Variants in ESR1 observed in about 807,000 individuals in gnomAD.
ESR1 encodes estrogen receptor.
Under a neutral mutation model 52.7 loss-of-function variants are expected in ESR1, and 12 were observed. The ratio of observed to expected loss-of-function variants is 0.23; its 90% confidence interval spans 0.15 to 0.37. The LOEUF is 0.37. Among genes scored for constraint, ESR1 ranks in the 10% least tolerant of loss-of-function variants. The probability of loss-of-function intolerance (pLI) is 1.00; values close to 1 mark genes in which losing one functional copy is unlikely to be tolerated. For missense variants in ESR1, 584 were observed against 779.7 expected (o/e 0.75, Z 2.99); for synonymous variants, 305 against 316.8 (o/e 0.96, Z 0.39).
intron 1 of ESR1, among the ~76,000 whole-genome samples, chr6:151,682,122 T>C (rs1778483479): frequency 6.6e-6 from 1 of 152,244 alleles, no homozygotes; most frequent in Non-Finnish European, 1.5e-5. Context: ...ACAGGTTTTT[T>C]GATTTTCACA....
intron 2 of ESR1, among the ~76,000 whole-genome samples, chr6:151,733,723 A>G (rs1305067869): frequency 1.3e-5 from 2 of 152,138 alleles, no homozygotes; most frequent in Non-Finnish European, 2.9e-5. Flanking sequence ...AATTAAGAAA[A>G]AAAGAAACAA....
intron 2 of ESR1, among the ~76,000 whole-genome samples, chr6:151,844,441 T>C (rs1188407735): frequency 6.6e-6 from 1 of 152,210 alleles, no homozygotes; most frequent in Non-Finnish European, 1.5e-5. Flanking sequence ...GAGCTGAGAC[T>C]GTTTCCTCAT....
At chr6:151,814,196 C>T (rs554811597) in intron 1 of ESR1, 10 of 152,160 alleles carry the variant, frequency 6.6e-5, no homozygotes, top group East Asian at 3.9e-4. Flanking sequence ...CTTTTATGGC[C>T]CTGAAAGCAA....
chr6:152,008,495 C>T (rs1584783563), intron 4 of ESR1, among the ~76,000 whole-genome samples: 1 of 152,068 alleles, frequency 6.6e-6, no homozygotes, highest in African/African-American at 2.4e-5. Flanking sequence ...CTTTGGCTTC[C>T]AAAAGGCCAC....
intron 2 of ESR1, among the ~76,000 whole-genome samples, chr6:151,740,118 C>A (rs182181932): frequency 4.0e-5 from 6 of 151,608 alleles, no homozygotes; most frequent in Admixed American, 2.0e-4. Context: ...TTTTTTCTTT[C>A]TTTTCTTTTT....
chr6:151,754,271 G>A (rs1441513537), intron 2 of ESR1, among the ~76,000 whole-genome samples: 4 of 150,672 alleles, frequency 2.7e-5, no homozygotes, highest in South Asian at 4.2e-4. Flanking sequence ...GCTAAGAAGT[G>A]TCTATTATTA....
chr6:152,055,745 C>G (rs1034310534), intron 5 of ESR1, among the ~76,000 whole-genome samples: 3 of 152,200 alleles, frequency 2.0e-5, no homozygotes, highest in Non-Finnish European at 4.4e-5. Context: ...ACCACTTCCC[C>G]AGGCATGTAG....
chr6:151,685,107 CTTTTTTTTTTTTTTTTTTTTTTTTTTT>C (rs772122906), intron 1 of ESR1, among the ~76,000 whole-genome samples: 1 of 72,914 alleles, frequency 1.4e-5, no homozygotes, highest in Non-Finnish European at 2.5e-5. Flanking sequence ...ACACTGGCCT[CTTTTTTTTTTTTTTTTTTTTTTTTTTT>C]TTTTTTTTTT....
chr6:151,797,194 T>C (rs1451101745), intron 2 of ESR1, among the ~76,000 whole-genome samples: 1 of 152,260 alleles, frequency 6.6e-6, no homozygotes, highest in Non-Finnish European at 1.5e-5. Flanking sequence ...GAAAGTCTGT[T>C]AAGCACATAG....
intron 1 of ESR1, among the ~76,000 whole-genome samples, chr6:151,698,780 A>T (rs576150478): frequency 6.6e-6 from 1 of 152,204 alleles, no homozygotes; most frequent in Non-Finnish European, 1.5e-5. Flanking sequence ...ACTCCTGAGA[A>T]TGTTCCATGG....
chr6:151,975,662 C>T (rs957323895), intron 4 of ESR1, among the ~76,000 whole-genome samples: 2 of 152,140 alleles, frequency 1.3e-5, no homozygotes, highest in African/African-American at 4.8e-5. Flanking sequence ...ATGAGGCCTA[C>T]ACACATTATG....
At chr6:151,984,236 A>T (rs1410671436) in intron 4 of ESR1, 1 of 151,896 alleles carries the variant, frequency 6.6e-6, no homozygotes, top group African/African-American at 2.4e-5. Flanking sequence ...TCTAACCCAT[A>T]TGTCTGTTGT....
intron 2 of ESR1, among the ~76,000 whole-genome samples, chr6:151,781,415 C>T (rs1348402253): frequency 1.3e-5 from 2 of 152,204 alleles, no homozygotes; most frequent in African/African-American, 4.8e-5. Context: ...GGCCTCATGG[C>T]CTAATCATTT....
chr6:151,677,187 T>A (rs906175541), intron 1 of ESR1, among the ~76,000 whole-genome samples: 10 of 152,102 alleles, frequency 6.6e-5, no homozygotes, highest in African/African-American at 2.2e-4. Flanking sequence ...AAACTAAGAC[T>A]CTGATTTTCT....
At chr6:151,776,530 G>T (rs867827862) in intron 2 of ESR1, among the ~76,000 whole-genome samples, 1 of 152,154 alleles carries the variant, frequency 6.6e-6, no homozygotes, top group African/African-American at 2.4e-5. Context: ...GGGATAGAAC[G>T]TTGCATTCAG....
intron 4 of ESR1, among the ~76,000 whole-genome samples, chr6:151,991,276 A>G (rs570809926): frequency 1.1e-4 from 16 of 152,298 alleles, no homozygotes; most frequent in Admixed American, 3.3e-4. Flanking sequence ...CTTCTTTACC[A>G]TACATGAATT....
chr6:152,081,060 G>A (rs962598026), intron 6 of ESR1, among the ~76,000 whole-genome samples: 1 of 152,112 alleles, frequency 6.6e-6, no homozygotes, highest in African/African-American at 2.4e-5. Flanking sequence ...ATATTAAACA[G>A]ATCAACAAGA....
chr6:151,852,347 A>G (rs529750985), intron 2 of ESR1, among the ~76,000 whole-genome samples: 1 of 152,342 alleles, frequency 6.6e-6, no homozygotes, highest in Admixed American at 6.5e-5. Flanking sequence ...GTTGCACATT[A>G]TTAATAATGG....
At chr6:152,082,123 T>G (rs1444852322) in intron 6 of ESR1, among the ~76,000 whole-genome samples, 1 of 152,158 alleles carries the variant, frequency 6.6e-6, no homozygotes, top group Non-Finnish European at 1.5e-5. Flanking sequence ...GAGGCCAGCA[T>G]CATCCTGGTA....
Sources: gnomAD v4.1 joint callset for allele counts (sites outside exome capture counted in the v4.1 genomes callset) on GRCh38, gnomAD v4.1.1 for gene constraint, MANE v1.5 for transcripts, NCBI Gene and HGNC (gene_info 2026-07-23, HGNC 2026-07-21) for gene names.